The following KDM4C variants were observed in gnomAD, a reference collection of about 807,000 sequenced individuals.
KDM4C encodes lysine-specific demethylase 4C.
Under a neutral mutation model 129.3 loss-of-function variants are expected in KDM4C, and 81 were observed. That is an observed-to-expected ratio of 0.63 (90% CI 0.52 to 0.75). The LOEUF is 0.75. KDM4C is among the 30% of genes least tolerant of loss of function. The pLI is 0.00. For missense variants in KDM4C, 1,457 were observed against 1,304.0 expected (o/e 1.12, Z -1.81); for synonymous variants, 573 against 456.1 (o/e 1.26, Z -3.26).
At chr9:7,111,635 C>T (rs1838329103) in intron 18 of KDM4C, among the ~76,000 whole-genome samples, 2 of 151,996 alleles carry the variant, frequency 1.3e-5, no homozygotes, top group African/African-American at 2.4e-5. Context: ...CAAACTTCCT[C>T]AAAGGCCTGG....
chr9:6,832,396 A>C (rs1439830491), intron 4 of KDM4C, among the ~76,000 whole-genome samples: 1 of 150,226 alleles, frequency 6.7e-6, no homozygotes, highest in African/African-American at 2.4e-5. Context: ...AATATGAATA[A>C]AGTAGTATAG....
chr9:6,930,649 C>A lies in KDM4C; in HGVS notation c.921+37417C>A, dbSNP rs915737445. ...AACATATTCATATGTAATATGAATA[C>A]ATACTACATATAATAGTACAATTAA... On this transcript the variant is annotated intron_variant, in intron 8 of 21. Transcript: ENST00000381309. Among the ~76,000 whole-genome samples the A allele has an allele frequency of 4.5e-5, 6 of 134,748 alleles. No individual in the cohort carries two copies. The East Asian group carries it at 1.2e-3, about 27-fold the overall frequency. 88.4% of individuals were successfully genotyped at this position (134,748 alleles called of 152,430 possible).
At chr9:6,979,962 A>T (rs950057720) in intron 8 of KDM4C, among the ~76,000 whole-genome samples, 1 of 152,276 alleles carries the variant, frequency 6.6e-6, no homozygotes, top group East Asian at 1.9e-4. Context: ...GGCCATTAGG[A>T]TGAGAACTCT....
chr9:6,798,700 T>C (rs1222226242), intron 2 of KDM4C, among the ~76,000 whole-genome samples: 1 of 152,234 alleles, frequency 6.6e-6, no homozygotes, highest in African/African-American at 2.4e-5. Context: ...TTCCCCCTTT[T>C]CTATTCCACA....
chr9:6,942,967 A>G (rs1423638317), intron 8 of KDM4C, among the ~76,000 whole-genome samples: 1 of 152,036 alleles, frequency 6.6e-6, no homozygotes, highest in African/African-American at 2.4e-5. Context: ...CTGGTTTCAA[A>G]TGACCCTCCC....
At chr9:6,867,134 A>G (rs1391609834) in intron 5 of KDM4C, among the ~76,000 whole-genome samples, 1 of 150,458 alleles carries the variant, frequency 6.6e-6, no homozygotes, top group East Asian at 2.0e-4. Flanking sequence ...CCCTGCCTCA[A>G]CCTCCCAAGT....
chr9:6,746,880 C>G (rs972880701), intron 1 of KDM4C, among the ~76,000 whole-genome samples: 2 of 150,798 alleles, frequency 1.3e-5, no homozygotes, highest in Non-Finnish European at 3.0e-5. Flanking sequence ...GTGGCGGGCA[C>G]CTGTAGTCCC....
intron 4 of KDM4C, among the ~76,000 whole-genome samples, chr9:6,827,237 TCA>T (rs1293996879): frequency 4.6e-5 from 7 of 152,274 alleles, no homozygotes; most frequent in African/African-American, 1.2e-4. Context: ...TGTGTTTTTC[TCA>T]GAGTCTTCAT....
At chr9:6,887,292 ACT>A (rs1450471523) in intron 6 of KDM4C, among the ~76,000 whole-genome samples, 6 of 151,846 alleles carry the variant, frequency 4.0e-5, no homozygotes, top group African/African-American at 7.3e-5. Flanking sequence ...GAGAAAACTG[ACT>A]CTGTCTTGGC....
chr9:7,156,775 G>A (rs1033649303), intron 19 of KDM4C, among the ~76,000 whole-genome samples: 3 of 152,206 alleles, frequency 2.0e-5, no homozygotes, highest in African/African-American at 7.2e-5. Context: ...ATAGTTTGAA[G>A]TCAGATAGCG....
chr9:7,138,704 A>G (rs1218341134), intron 19 of KDM4C, among the ~76,000 whole-genome samples: 11 of 152,100 alleles, frequency 7.2e-5, no homozygotes, highest in Non-Finnish European at 8.8e-5. Context: ...CTGTAGTCCT[A>G]GCTCCTTGGG....
chr9:7,003,845 T>C (rs1821172701), intron 12 of KDM4C, among the ~76,000 whole-genome samples: 1 of 152,182 alleles, frequency 6.6e-6, no homozygotes, highest in Non-Finnish European at 1.5e-5. Context: ...GTACAGAAAT[T>C]ATAAAGTTCC....
At chr9:6,920,993 A>T (rs958782961) in intron 8 of KDM4C, among the ~76,000 whole-genome samples, 27 of 152,038 alleles carry the variant, frequency 1.8e-4, no homozygotes, top group African/African-American at 6.5e-4. Context: ...GCACTTGATA[A>T]AGTTGTTCCT....
At chr9:7,051,777 A>G (rs763751580) in intron 17 of KDM4C, among the ~76,000 whole-genome samples, 1 of 152,280 alleles carries the variant, frequency 6.6e-6, no homozygotes, top group African/African-American at 2.4e-5. Context: ...AATTATTTAG[A>G]TGTCATAATC....
chr9:6,871,932 T>C (rs565005053), intron 5 of KDM4C, among the ~76,000 whole-genome samples: 4 of 152,158 alleles, frequency 2.6e-5, no homozygotes, highest in Admixed American at 1.3e-4. Context: ...AATATACAAT[T>C]GAAGGGCTCT....
At chr9:6,886,435 C>G (rs992140472) in intron 6 of KDM4C, among the ~76,000 whole-genome samples, 1 of 151,278 alleles carries the variant, frequency 6.6e-6, no homozygotes, top group African/African-American at 2.4e-5. Context: ...GCCTTAGCCT[C>G]CTGAGCAGCT....
chr9:6,770,817 T>C (rs112653512), intron 1 of KDM4C, among the ~76,000 whole-genome samples: 12,640 of 138,908 alleles, frequency 0.091, 694 homozygotes, highest in Non-Finnish European at 0.11. Context: ...GCTCTGTCGC[T>C]CAGGCTGGAA....
In KDM4C at chr9:7,112,722, T is replaced by G. The variant is rs1205633350; in HGVS notation, c.2610+8852T>G. ...CCTTTTTATTTTCCCTCACTTCGTC[T>G]GGAGCTCACTTCCATGGCTTGATAC... On this transcript the variant is annotated intron_variant, in intron 18 of 21. Coordinates refer to ENST00000381309, the MANE Select transcript of KDM4C (RefSeq NM_015061.6). 2.6e-5 allele frequency among the ~76,000 whole-genome samples: 4 copies of G among 152,212 alleles called. No homozygotes were observed. In the East Asian group the frequency reaches 5.8e-4, roughly 22 times the overall value.
At chr9:7,122,255 ACACACACACACT>A (rs1253805360) in intron 18 of KDM4C, among the ~76,000 whole-genome samples, 1 of 107,822 alleles carries the variant, frequency 9.3e-6, no homozygotes, top group Non-Finnish European at 2.0e-5. Flanking sequence ...ACACACACAC[ACACACACACACT>A]CTCTCTCTCT....
Sources: allele counts gnomAD v4.1 joint callset (sites outside exome capture counted in the v4.1 genomes callset), GRCh38; gene constraint gnomAD v4.1.1; transcripts MANE v1.5; gene names NCBI Gene and HGNC (gene_info 2026-07-23, HGNC 2026-07-21).